Variants in CACNB2 observed in about 807,000 individuals in gnomAD.
CACNB2 encodes calcium voltage-gated channel auxiliary subunit beta 2, also known as voltage-dependent L-type calcium channel subunit beta-2.
Under a neutral mutation model 73.3 loss-of-function variants are expected in CACNB2, and 42 were observed. The observed-to-expected ratio is 0.57, with a 90% confidence interval of 0.45 to 0.74. CACNB2 has a LOEUF of 0.74. Ranked by LOEUF, CACNB2 falls within the 30% of genes least tolerant of loss-of-function variation. The pLI, the probability that CACNB2 is intolerant of heterozygous loss-of-function variation, is 0.00. For missense variants in CACNB2, 940 were observed against 853.0 expected, an observed-to-expected ratio of 1.10 and a Z score of -1.27; for synonymous variants, 348 against 310.3, an observed-to-expected ratio of 1.12 and a Z score of -1.28.
intron 2 of CACNB2, chr10:18,260,471 C>T (rs1295677717): frequency 4.1e-6 from 4 of 985,282 alleles, no homozygotes; most frequent in South Asian, 4.7e-5. Flanking sequence ...AACTGTGCGC[C>T]GCAGTGCTTG....
At chr10:18,458,763 C>CT (rs371122031) in intron 3 of CACNB2, among the ~76,000 whole-genome samples, 34,541 of 122,622 alleles carry the variant, frequency 0.28, 6,231 homozygotes, top group Middle Eastern at 0.39. Context: ...GTAAGGTGAA[C>CT]TTTTTTTTTT....
intron 2 of CACNB2, among the ~76,000 whole-genome samples, chr10:18,374,330 G>A (rs954773907): frequency 1.3e-5 from 2 of 152,234 alleles, no homozygotes; most frequent in Non-Finnish European, 2.9e-5. Context: ...AAAGGCCGAA[G>A]AGAGAGGGAT....
chr10:18,534,413 G>A (rs938273285), intron 11 of CACNB2, among the ~76,000 whole-genome samples, 186 bp downstream of exon 11: 1 of 152,018 alleles, frequency 6.6e-6, no homozygotes, highest in Non-Finnish European at 1.5e-5. Context: ...CTCAAAGTGT[G>A]GTCCATGGAT....
chr10:18,143,170 G>T (rs1404938771), intron 1 of CACNB2, among the ~76,000 whole-genome samples: 1 of 152,194 alleles, frequency 6.6e-6, no homozygotes, highest in African/African-American at 2.4e-5. Context: ...TTAGTGTATT[G>T]AGCGACAGGG....
intron 2 of CACNB2, among the ~76,000 whole-genome samples, chr10:18,400,163 T>G (rs139617304): frequency 6.6e-6 from 1 of 152,362 alleles, no homozygotes; most frequent in African/African-American, 2.4e-5. Flanking sequence ...GTCACTCTCT[T>G]GCATCTTGTT....
At chr10:18,208,146 C>A (rs1409659042) in intron 2 of CACNB2, among the ~76,000 whole-genome samples, 2 of 152,078 alleles carry the variant, frequency 1.3e-5, no homozygotes, top group Non-Finnish European at 2.9e-5. Flanking sequence ...GACTGATAAG[C>A]CTTTAGCCAT....
In CACNB2 at chr10:18,285,741, T is replaced by C. The variant is rs118067107; in HGVS notation, c.214-116183T>C. ...CTTTTAATTTTTTTCACAGTTGTTA[T>C]GTGACATTTTGAAGTCTCCATTTTT... On this transcript the variant is annotated intron_variant, in intron 2 of 13. Transcript: ENST00000324631. Among the ~76,000 whole-genome samples, 1,219 of 152,380 alleles carry C rather than the reference T, an allele frequency of 8.0e-3. 10 individuals carry two copies. Among genetic ancestry groups the C allele is most frequent in the Middle Eastern group, 0.031 (9 of 294 alleles).
intron 3 of CACNB2, among the ~76,000 whole-genome samples, chr10:18,473,714 G>A (rs948817853): frequency 2.0e-5 from 3 of 152,186 alleles, no homozygotes; most frequent in African/African-American, 7.2e-5. Flanking sequence ...TTAAATAGCC[G>A]AAGTGAAGAA....
At chr10:18,203,550 T>A (rs2034972114) in intron 2 of CACNB2, among the ~76,000 whole-genome samples, 1 of 152,128 alleles carries the variant, frequency 6.6e-6, no homozygotes, top group Non-Finnish European at 1.5e-5. Flanking sequence ...CAAAAAAAGA[T>A]GACTTAATGA....
intron 2 of CACNB2, among the ~76,000 whole-genome samples, chr10:18,240,129 C>T (rs537183359): frequency 7.3e-4 from 111 of 152,286 alleles, no homozygotes; most frequent in African/African-American, 2.6e-3. Flanking sequence ...AAATGGTTCA[C>T]GCTTTGAACT....
intron 2 of CACNB2, among the ~76,000 whole-genome samples, chr10:18,278,785 G>A (rs983986982): frequency 4.6e-5 from 7 of 152,094 alleles, no homozygotes; most frequent in Non-Finnish European, 1.0e-4. Context: ...GGGGGCCGAG[G>A]CGGGTGGATC....
chr10:18,510,011 A>G (rs2133094736), intron 6 of CACNB2, among the ~76,000 whole-genome samples: 1 of 152,346 alleles, frequency 6.6e-6, no homozygotes. Flanking sequence ...GTCTAATAAA[A>G]TACATGTAGC....
At chr10:18,200,922 A>G (rs1042113550) in intron 2 of CACNB2, among the ~76,000 whole-genome samples, 2 of 152,124 alleles carry the variant, frequency 1.3e-5, no homozygotes, top group Non-Finnish European at 2.9e-5. Context: ...TTTGCACTAC[A>G]TTTATTTTTT....
In CACNB2 at chr10:18,356,938, A is replaced by ATGTC. The variant is rs1436280481; in HGVS notation, c.214-44985_214-44984insGTCT. On this transcript the variant is annotated intron_variant, in intron 2 of 13. Transcript: ENST00000324631. ...AGCCACTGTGCCTGGCCCAGACTCA[A>ATGTC]TTTCTTTTTTTTTTTTTTTTTTTTG... Among the ~76,000 whole-genome samples the ATGTC allele has an allele frequency of 3.1e-3, 297 of 94,336 alleles. 5 individuals are homozygous for ATGTC. The highest frequency in any genetic ancestry group is 7.0e-3 in the Middle Eastern group (1 of 142). The allele number at this position is 94,336 out of a possible 152,430, so 61.9% of individuals were successfully genotyped here. A position where few individuals can be genotyped will look rare whatever the true frequency, so the allele number is the denominator to read the frequency against.
chr10:18,389,267 G>A (rs1420204367), intron 2 of CACNB2, among the ~76,000 whole-genome samples: 1 of 152,140 alleles, frequency 6.6e-6, no homozygotes, highest in Admixed American at 6.5e-5. Context: ...TTCCCAAGTA[G>A]CTAGGACTGC....
At chr10:18,231,239 C>G (rs1413440228) in intron 2 of CACNB2, among the ~76,000 whole-genome samples, 1 of 152,282 alleles carries the variant, frequency 6.6e-6, no homozygotes, top group East Asian at 1.9e-4. Flanking sequence ...TGCAGTGGCC[C>G]GATCTCGGCT....
At chr10:18,518,846 T>C (rs2051540756) in intron 8 of CACNB2, 64 bp from the exon 9 acceptor site, 2 of 1,412,404 alleles carry the variant, frequency 1.4e-6, no homozygotes, top group African/African-American at 2.8e-5. Flanking sequence ...AGAAGTAAAA[T>C]TGTTTTATCA....
At position 18,538,260 on chromosome 10, in the gene CACNB2, G is replaced by C. The variant is rs1554842235; in HGVS notation, c.1383G>C (p.Trp461Cys). 6.2e-7 allele frequency: 1 copy of C among 1,614,086 alleles called. No homozygotes were observed. The highest frequency in any genetic ancestry group is 1.3e-5 in the African/African-American group (1 of 75,002). The stretch of plus-strand genomic sequence containing the variant: ...TTGCCGACTATCTGGAGGCCTACTG[G>C]AAGGCCACCCATCCTCCCAGCAGTA... ...EHLADYLEAYWKATHPPSSSL... is the reference protein window; with the variant it reads ...EHLADYLEAYCKATHPPSSSL... The change falls in exon 13 of 14, where the codon TGG (tryptophan) becomes TGC (cysteine). Residue 461 changes from tryptophan (W) to cysteine (C), a missense_variant. By Grantham distance (215) the Trp-to-Cys change is radical. Transcript: ENST00000324631.
intron 3 of CACNB2, among the ~76,000 whole-genome samples, chr10:18,451,856 T>A (rs2047037290): frequency 6.6e-6 from 1 of 152,234 alleles, no homozygotes; most frequent in African/African-American, 2.4e-5. Context: ...GGTGCTAATG[T>A]CATAGCTTAC....
Sources: gnomAD v4.1 joint callset for allele counts (sites outside exome capture counted in the v4.1 genomes callset) on GRCh38, gnomAD v4.1.1 for gene constraint, MANE v1.5 for transcripts, NCBI Gene and HGNC (gene_info 2026-07-23, HGNC 2026-07-21) for gene names.